The following EYA4 variants were observed in gnomAD, a reference collection of about 807,000 sequenced individuals.
EYA4 encodes protein phosphatase EYA4.
A neutral mutation model predicts 87.9 loss-of-function variants in EYA4; 31 were observed. The ratio of observed to expected loss-of-function variants is 0.35; its 90% confidence interval spans 0.27 to 0.48. The LOEUF is 0.48. EYA4 is among the 20% of genes least tolerant of loss of function. The probability of loss-of-function intolerance (pLI) is 0.99; values close to 1 mark genes in which losing one functional copy is unlikely to be tolerated. For missense variants in EYA4, 678 were observed against 761.4 expected, an observed-to-expected ratio of 0.89 and a Z score of 1.29; for synonymous variants, 263 against 270.6, an observed-to-expected ratio of 0.97 and a Z score of 0.28.
At chr6:133,456,369 A>G (rs969817535) in intron 5 of EYA4, among the ~76,000 whole-genome samples, 187 bp from the exon 6 acceptor site, 1 of 152,180 alleles carries the variant, frequency 6.6e-6, no homozygotes, top group East Asian at 1.9e-4. Flanking sequence ...TAGCTTGGCC[A>G]GAGGATTTTA....
intron 6 of EYA4, 71 bp from the exon 7 acceptor site, chr6:133,461,043 G>T: frequency 1.0e-6 from 1 of 980,416 alleles, no homozygotes; most frequent in Non-Finnish European, 1.7e-6. Context: ...TCTTCAAATT[G>T]GTTATGTACA....
intron 11 of EYA4, among the ~76,000 whole-genome samples, chr6:133,479,736 A>G (rs1321454285): frequency 6.6e-6 from 1 of 152,168 alleles, no homozygotes; most frequent in South Asian, 2.1e-4. Flanking sequence ...TTTATCCCTC[A>G]GTATTCCAGA....
intron 1 of EYA4, among the ~76,000 whole-genome samples, chr6:133,255,083 T>C (rs1479810198): frequency 6.6e-6 from 1 of 152,180 alleles, no homozygotes; most frequent in Non-Finnish European, 1.5e-5. Flanking sequence ...ACTCGCCTCA[T>C]GGAGTTGTAA....
At chr6:133,484,729 A>C (rs1796543363) in intron 13 of EYA4, among the ~76,000 whole-genome samples, 1 of 152,234 alleles carries the variant, frequency 6.6e-6, no homozygotes, top group African/African-American at 2.4e-5. Flanking sequence ...TGTGCAGCTA[A>C]GTTTCATATT....
At chr6:133,463,660 T>G (rs910686793) in intron 9 of EYA4, among the ~76,000 whole-genome samples, 1 of 152,108 alleles carries the variant, frequency 6.6e-6, no homozygotes, top group Non-Finnish European at 1.5e-5. Context: ...CATGCCTAGC[T>G]GTGTTTTATC....
chr6:133,462,029 T>A, intron 7 of EYA4: 1 of 400,454 alleles, frequency 2.5e-6, no homozygotes, highest in Non-Finnish European at 4.7e-6. Flanking sequence ...GGAGTGCTAT[T>A]TCAGATATGA....
intron 7 of EYA4, 116 bp from the exon 8 acceptor site, chr6:133,462,203 CTATATTGTTAAAATTA>C (rs1794456095): frequency 9.1e-7 from 1 of 1,100,756 alleles, no homozygotes; most frequent in Non-Finnish European, 1.4e-6. Context: ...TTGCTTTTTC[CTATATTGTTAAAATTA>C]TATTGTGGAT....
At position 133,390,606 on chromosome 6, in the gene EYA4, A is replaced by G. The variant is rs775373105; in HGVS notation, c.83+8165A>G. 2.0e-5 allele frequency among the ~76,000 whole-genome samples: 3 copies of G among 152,246 alleles called. No homozygotes were observed. The East Asian group carries it at 5.8e-4, about 29-fold the overall frequency. Reference sequence around the variant, plus strand: ...TCGTTCCAAACTGACATAGCAGTGCATGGCTCTAACATTAGTCCCAAAACA... The same window carrying G: ...TCGTTCCAAACTGACATAGCAGTGCGTGGCTCTAACATTAGTCCCAAAACA... On this transcript the variant is annotated intron_variant, in intron 3 of 19. Coordinates refer to ENST00000355286, the MANE Select transcript of EYA4 (RefSeq NM_004100.5).
chr6:133,513,323 T>C (rs1799318816), intron 16 of EYA4, among the ~76,000 whole-genome samples: 2 of 152,170 alleles, frequency 1.3e-5, no homozygotes, highest in South Asian at 4.1e-4. Flanking sequence ...AGCTGGTGCT[T>C]GGAGCATTAT....
At chr6:133,432,749 C>G in intron 3 of EYA4, among the ~76,000 whole-genome samples, 1 of 152,066 alleles carries the variant, frequency 6.6e-6, no homozygotes, top group Non-Finnish European at 1.5e-5. Flanking sequence ...ACAGGGCCCT[C>G]TCATCACATT....
chr6:133,435,281 C>T (rs1023797282), intron 3 of EYA4: 7 of 152,244 alleles, frequency 4.6e-5, no homozygotes, highest in African/African-American at 1.7e-4. Context: ...GGCCTGAGGT[C>T]ACCCTGGCAG....
intron 1 of EYA4, among the ~76,000 whole-genome samples, chr6:133,251,361 T>TAGAGAGACA (rs1325747269): frequency 6.6e-6 from 1 of 152,216 alleles, no homozygotes; most frequent in Non-Finnish European, 1.5e-5. Flanking sequence ...CTTTACATAT[T>TAGAGAGACA]GCTATGATTC....
chr6:133,351,465 T>C (rs541104118), intron 2 of EYA4, among the ~76,000 whole-genome samples: 1 of 152,306 alleles, frequency 6.6e-6, no homozygotes, highest in Non-Finnish European at 1.5e-5. Context: ...TTAGCTGTGT[T>C]ATCCCCAGTA....
At chr6:133,515,589 G>A (rs529134368) in intron 17 of EYA4, among the ~76,000 whole-genome samples, 154 bp downstream of exon 17, 1 of 149,226 alleles carries the variant, frequency 6.7e-6, no homozygotes, top group Non-Finnish European at 1.5e-5. Context: ...CAGTGCATGT[G>A]CATGAGAGAG....
rs1445625372 is a variant in EYA4, at chr6:133,524,394, G to T, written c.1739-760G>T. Among the ~76,000 whole-genome samples the T allele has an allele frequency of 2.6e-5, 4 of 152,132 alleles. No homozygotes were observed. In the East Asian group the frequency reaches 7.7e-4, roughly 29 times the overall value. ...AAGGCAGAAGTAGCCATGGCTGCAT[G>T]AACATTCTGGGAGTGAAATTTAGAG... On this transcript the variant is annotated intron_variant, in intron 18 of 19. Coordinates refer to ENST00000355286, the MANE Select transcript of EYA4 (RefSeq NM_004100.5).
At chr6:133,518,588 A>C (rs930111622) in intron 17 of EYA4, among the ~76,000 whole-genome samples, 2 of 152,194 alleles carry the variant, frequency 1.3e-5, no homozygotes, top group Admixed American at 6.5e-5. Flanking sequence ...TATTCTGTGA[A>C]TATAGTCTCA....
intron 1 of EYA4, among the ~76,000 whole-genome samples, chr6:133,242,968 C>T (rs1249185865): frequency 1.3e-5 from 2 of 152,194 alleles, no homozygotes; most frequent in African/African-American, 4.8e-5. Context: ...GAGAGTCATT[C>T]ATGAATCTTA....
chr6:133,482,251 G>A lies in EYA4; in HGVS notation c.1107+652G>A, dbSNP rs75898269. Among the ~76,000 whole-genome samples, 1,473 of 152,324 alleles carry A rather than the reference G, an allele frequency of 9.7e-3. 28 individuals carry two copies. Among genetic ancestry groups the A allele is most frequent in the African/African-American group, 0.034 (1,393 of 41,568 alleles). ...GAACTTCCAGATTTAGTAAAATCAAGTGACAGACGTTGTGATTCTTTATAA... is the reference window on the plus strand; with the variant it reads ...GAACTTCCAGATTTAGTAAAATCAAATGACAGACGTTGTGATTCTTTATAA... On this transcript the variant is annotated intron_variant, in intron 12 of 19. Transcript: ENST00000355286.
intron 3 of EYA4, among the ~76,000 whole-genome samples, chr6:133,443,628 C>A (rs1023487563): frequency 6.6e-6 from 1 of 151,912 alleles, no homozygotes; most frequent in African/African-American, 2.4e-5. Context: ...ATTTTAAATC[C>A]TTCTTCTTTT....
Sources: gnomAD v4.1 joint callset for allele counts (sites outside exome capture counted in the v4.1 genomes callset) on GRCh38, gnomAD v4.1.1 for gene constraint, MANE v1.5 for transcripts, NCBI Gene and HGNC (gene_info 2026-07-23, HGNC 2026-07-21) for gene names.